Variants in MDGA2 observed in about 807,000 individuals in gnomAD.
The protein encoded by MDGA2 is MAM domain-containing glycosylphosphatidylinositol anchor protein 2.
A neutral mutation model predicts 117.8 loss-of-function variants in MDGA2; 40 were observed. The ratio of observed to expected loss-of-function variants is 0.34; its 90% CI spans 0.26 to 0.44. The LOEUF (loss-of-function observed/expected upper bound fraction) is 0.44. Among genes scored for constraint, MDGA2 ranks in the 20% least tolerant of loss-of-function variants. MDGA2 has a pLI of 1.00. For synonymous variants in MDGA2, 452 were observed against 439.0 expected (o/e 1.03, Z -0.37); for missense variants, 1,123 against 1,250.6 (o/e 0.90, Z 1.54).
At chr14:47,481,066 A>T (rs1893944606) in intron 1 of MDGA2, among the ~76,000 whole-genome samples, 1 of 152,022 alleles carries the variant, frequency 6.6e-6, no homozygotes, top group South Asian at 2.1e-4. Context: ...ATCGCTAAAC[A>T]GTACATAAAT....
At chr14:46,917,136 T>C (rs373917026) in intron 10 of MDGA2, among the ~76,000 whole-genome samples, 1 of 151,776 alleles carries the variant, frequency 6.6e-6, no homozygotes, top group Non-Finnish European at 1.5e-5. Flanking sequence ...ATCAATAACA[T>C]AGATCTTACA....
chr14:47,282,717 A>AAAAAC lies in MDGA2; in HGVS notation c.420+18689_420+18693dup, dbSNP rs1555369735. 5.7e-4 allele frequency among the ~76,000 whole-genome samples: 84 copies of AAAAAC among 148,234 alleles called. 1 individual carries two copies. The highest frequency in any genetic ancestry group is 9.2e-4 in the Non-Finnish European group (61 of 66,550). On this transcript the variant is annotated intron_variant, in intron 2 of 16. Transcript: ENST00000399232. ...GTCTCAAAAAAAAAAACAAAAAACA[A>AAAAAC]AAAACAAAAAACAGGTAATCAGTTC...
At chr14:47,359,750 A>AG (rs1891074577) in intron 1 of MDGA2, among the ~76,000 whole-genome samples, 1 of 115,400 alleles carries the variant, frequency 8.7e-6, no homozygotes, top group East Asian at 2.9e-4. Flanking sequence ...GACTGTCTCA[A>AG]AAAAAAAAAA....
intron 1 of MDGA2, among the ~76,000 whole-genome samples, chr14:47,339,144 C>A (rs1890545701): frequency 6.6e-6 from 1 of 151,930 alleles, no homozygotes; most frequent in Non-Finnish European, 1.5e-5. Context: ...ATCATATACT[C>A]TTCAAAGTAC....
intron 2 of MDGA2, among the ~76,000 whole-genome samples, chr14:47,253,673 T>C (rs891549844): frequency 6.6e-6 from 1 of 152,230 alleles, no homozygotes; most frequent in Non-Finnish European, 1.5e-5. Flanking sequence ...GTGCAAGCTG[T>C]TGGTGAATCT....
chr14:47,481,388 C>T (rs1490594514), intron 1 of MDGA2, among the ~76,000 whole-genome samples: 1 of 151,874 alleles, frequency 6.6e-6, no homozygotes, highest in African/African-American at 2.4e-5. Context: ...ATGGTCTGCT[C>T]GTGATGGAAA....
intron 1 of MDGA2, among the ~76,000 whole-genome samples, chr14:47,527,878 G>C (rs1351170128): frequency 1.3e-5 from 2 of 152,032 alleles, no homozygotes; most frequent in Admixed American, 6.6e-5. Flanking sequence ...TGAGAGAGAG[G>C]AAAGAGATAA....
intron 8 of MDGA2, among the ~76,000 whole-genome samples, chr14:46,975,805 C>G (rs1423700797): frequency 6.6e-6 from 1 of 152,054 alleles, no homozygotes. Context: ...AGGAAACCAG[C>G]AGATTCAGTG....
chr14:47,021,135 T>C (rs956425450), intron 8 of MDGA2, among the ~76,000 whole-genome samples: 6 of 152,206 alleles, frequency 3.9e-5, no homozygotes, highest in African/African-American at 9.6e-5. Context: ...ATTTTTTTCT[T>C]TGTATTTGTG....
intron 3 of MDGA2, among the ~76,000 whole-genome samples, chr14:47,181,167 CACCTAGTCATAT>C (rs1227272797): frequency 1.1e-4 from 17 of 152,182 alleles, no homozygotes; most frequent in Middle Eastern, 3.4e-3. Flanking sequence ...TGGTTCGCTG[CACCTAGTCATAT>C]AGGTTTTAAG....
chr14:46,894,466 T>C (rs974013548), intron 10 of MDGA2, among the ~76,000 whole-genome samples: 11 of 152,238 alleles, frequency 7.2e-5, no homozygotes, highest in Admixed American at 5.9e-4. Context: ...CTCAATTACA[T>C]AGCAAGGGGC....
At chr14:46,899,278 A>T (rs1280252853) in intron 10 of MDGA2, among the ~76,000 whole-genome samples, 8 of 151,994 alleles carry the variant, frequency 5.3e-5, no homozygotes, top group Admixed American at 1.3e-4. Flanking sequence ...TCCCAAAATG[A>T]TTACATGTGA....
chr14:47,422,921 TGATA>T (rs146886376), intron 1 of MDGA2, among the ~76,000 whole-genome samples: 1,992 of 152,268 alleles, frequency 0.013, 36 homozygotes, highest in East Asian at 0.096. Flanking sequence ...AGATGATAGA[TGATA>T]GATAGATAGG....
chr14:47,484,093 T>C (rs1009603576), intron 1 of MDGA2, among the ~76,000 whole-genome samples: 17 of 152,186 alleles, frequency 1.1e-4, no homozygotes, highest in African/African-American at 3.9e-4. Context: ...AAATTAATAG[T>C]AGGTATATGG....
intron 1 of MDGA2, among the ~76,000 whole-genome samples, chr14:47,446,283 A>T (rs946405815): frequency 1.3e-5 from 2 of 152,188 alleles, no homozygotes; most frequent in Non-Finnish European, 2.9e-5. Context: ...TGTTATATTC[A>T]TACATTGGGA....
rs112581170 is a variant in MDGA2 at position 47,142,840 on chromosome 14, A to G, written c.792+1238T>C. Among the ~76,000 whole-genome samples the G allele has an allele frequency of 1.0e-3, 155 of 152,314 alleles. 2 individuals are homozygous for G. Among genetic ancestry groups the G allele is most frequent in the African/African-American group, 3.6e-3 (148 of 41,572 alleles). ...AGTACTATGTTATGGTGAACTGACT[A>G]GTAATACATGTGCGATGCTGATTTC... is the stretch of plus-strand genomic sequence containing the variant. On this transcript the variant is annotated intron_variant, in intron 4 of 16. Transcript: ENST00000399232.
intron 6 of MDGA2, among the ~76,000 whole-genome samples, chr14:47,062,530 T>A (rs559602750): frequency 6.6e-6 from 1 of 151,350 alleles, no homozygotes; most frequent in South Asian, 2.1e-4. Context: ...CTTCCCCATT[T>A]CCCTCTCCTT....
chr14:47,021,733 G>A (rs757348250), intron 8 of MDGA2, among the ~76,000 whole-genome samples: 7 of 151,990 alleles, frequency 4.6e-5, no homozygotes, highest in Admixed American at 6.6e-5. Context: ...TTCCATACTC[G>A]AAGATTACTT....
At chr14:47,591,900 A>G (rs1398294049) in intron 1 of MDGA2, among the ~76,000 whole-genome samples, 2 of 152,100 alleles carry the variant, frequency 1.3e-5, no homozygotes, top group Non-Finnish European at 2.9e-5. Context: ...TCTCACTCCT[A>G]TTCAACATAG....
Sources: allele counts gnomAD v4.1 joint callset (sites outside exome capture counted in the v4.1 genomes callset), GRCh38; gene constraint gnomAD v4.1.1; transcripts MANE v1.5; gene names NCBI Gene and HGNC (gene_info 2026-07-23, HGNC 2026-07-21).